Variants in CDH8 observed in about 807,000 individuals in gnomAD.
CDH8 encodes the protein cadherin-8.
Under a neutral mutation model 68.1 loss-of-function variants are expected in CDH8, and 17 were observed. That is an observed-to-expected ratio of 0.25 (90% CI 0.17 to 0.37). The LOEUF is 0.37. Among genes scored for constraint, CDH8 ranks in the 10% least tolerant of loss-of-function variants. The probability of loss-of-function intolerance (pLI) is 1.00; values close to 1 mark genes in which losing one functional copy is unlikely to be tolerated. For synonymous variants in CDH8, 372 were observed against 365.1 expected, an observed-to-expected ratio of 1.02 and a Z score of -0.21; for missense variants, 763 against 999.3, an observed-to-expected ratio of 0.76 and a Z score of 3.19.
At chr16:61,924,688 T>C (rs1964429928) in intron 2 of CDH8, among the ~76,000 whole-genome samples, 1 of 152,176 alleles carries the variant, frequency 6.6e-6, no homozygotes, top group African/African-American at 2.4e-5. Context: ...TGTTTTTTTT[T>C]TTAAAAGAAA....
intron 2 of CDH8, among the ~76,000 whole-genome samples, chr16:62,020,267 A>G (rs1385459108): frequency 6.6e-6 from 1 of 152,226 alleles, no homozygotes; most frequent in Non-Finnish European, 1.5e-5. Flanking sequence ...AAAGCTTATC[A>G]AGAAAATCAG....
intron 10 of CDH8, among the ~76,000 whole-genome samples, chr16:61,706,302 G>T (rs1964529614): frequency 6.6e-6 from 1 of 152,148 alleles, no homozygotes; most frequent in Non-Finnish European, 1.5e-5. Context: ...ATTTCAAAGG[G>T]GAAGCGAGAG....
In CDH8 at chr16:61,974,804, C is replaced by T. The variant is rs143931685; in HGVS notation, c.252+46348G>A. On this transcript the variant is annotated intron_variant, in intron 2 of 11. Coordinates refer to ENST00000577390, the MANE Select transcript of CDH8 (RefSeq NM_001796.5). ...GAGATTGGAGTGAGAGCTCTCAATC[C>T]CAATTCCATCTACTTGGGCAGATGG... 1.3e-4 allele frequency among the ~76,000 whole-genome samples: 20 copies of T among 152,160 alleles called. No homozygotes were observed. The East Asian group carries it at 3.9e-3, about 29-fold the overall frequency.
rs148401307 is a variant in CDH8 at position 61,844,790 on chromosome 16, G to A, written c.667+12329C>T. Among the ~76,000 whole-genome samples the A allele has an allele frequency of 2.1e-3, 317 of 152,204 alleles. 1 individual carries two copies. The highest frequency in any genetic ancestry group is 3.6e-3 in the Non-Finnish European group (248 of 68,010). On this transcript the variant is annotated intron_variant, in intron 4 of 11. Coordinates refer to ENST00000577390, the MANE Select transcript of CDH8 (RefSeq NM_001796.5). The stretch of plus-strand genomic sequence containing the variant: ...TTACAGGATAACTAAGGAAAGTTAC[G>A]TATAGTGAGAAAAAACACGACCTGT...
intron 8 of CDH8, among the ~76,000 whole-genome samples, chr16:61,775,275 A>G (rs559509303): frequency 6.6e-6 from 1 of 152,086 alleles, no homozygotes; most frequent in African/African-American, 2.4e-5. Context: ...ATTATGTCCA[A>G]TCCTTTCGCC....
intron 3 of CDH8, among the ~76,000 whole-genome samples, chr16:61,888,814 T>G (rs1963723787): frequency 6.6e-6 from 1 of 152,188 alleles, no homozygotes; most frequent in Non-Finnish European, 1.5e-5. Context: ...TTAACTTTAC[T>G]TTGTGAACGT....
At chr16:62,003,934 C>T (rs945758435) in intron 2 of CDH8, among the ~76,000 whole-genome samples, 2 of 152,052 alleles carry the variant, frequency 1.3e-5, no homozygotes, top group African/African-American at 4.8e-5. Flanking sequence ...AAATGTATTC[C>T]TTCCTCAGAC....
intron 8 of CDH8, among the ~76,000 whole-genome samples, chr16:61,751,577 G>A (rs1392562422): frequency 6.6e-6 from 1 of 151,964 alleles, no homozygotes; most frequent in Non-Finnish European, 1.5e-5. Context: ...CATTAACATG[G>A]TGAATTAAAA....
intron 2 of CDH8, among the ~76,000 whole-genome samples, chr16:62,020,729 T>A (rs1041945093): frequency 1.3e-5 from 2 of 152,284 alleles, no homozygotes; most frequent in Non-Finnish European, 2.9e-5. Context: ...ATTAGATATA[T>A]CTGCATAGCC....
At chr16:61,722,429 T>C (rs915395230) in intron 9 of CDH8, among the ~76,000 whole-genome samples, 5 of 150,914 alleles carry the variant, frequency 3.3e-5, no homozygotes, top group African/African-American at 1.2e-4. Context: ...CATTCTATTC[T>C]TCTCATAAAA....
chr16:61,730,721 G>T, intron 8 of CDH8, among the ~76,000 whole-genome samples: 1 of 151,482 alleles, frequency 6.6e-6, no homozygotes, highest in East Asian at 1.9e-4. Flanking sequence ...CTTTAGAAAA[G>T]TTAAGCAAAA....
chr16:61,694,068 G>A lies in CDH8; in HGVS notation c.1654+19773C>T, dbSNP rs113664799. Among the ~76,000 whole-genome samples the A allele has an allele frequency of 5.2e-4, 79 of 152,204 alleles. 1 individual carries two copies. Among genetic ancestry groups the A allele is most frequent in the African/African-American group, 1.5e-3 (62 of 41,532 alleles). On this transcript the variant is annotated intron_variant, in intron 10 of 11. Coordinates refer to ENST00000577390, the MANE Select transcript of CDH8 (RefSeq NM_001796.5). ...CACTAGGACTTTAAATCATGGGCAC[G>A]TACACACAGAATTAGAAAGTGGCAG...
At chr16:61,777,157 G>A (rs1301401874) in intron 8 of CDH8, among the ~76,000 whole-genome samples, 1 of 152,028 alleles carries the variant, frequency 6.6e-6, no homozygotes, top group Non-Finnish European at 1.5e-5. Flanking sequence ...TCTCCTCCCA[G>A]TCCTAATGAC....
intron 2 of CDH8, among the ~76,000 whole-genome samples, chr16:61,950,500 T>C (rs904483713): frequency 4.6e-5 from 7 of 152,220 alleles, no homozygotes; most frequent in Admixed American, 3.9e-4. Context: ...ATCCCACTTA[T>C]GACTTCTGCT....
intron 7 of CDH8, among the ~76,000 whole-genome samples, chr16:61,790,186 T>C (rs1416831115): frequency 6.6e-6 from 1 of 152,046 alleles, no homozygotes; most frequent in Non-Finnish European, 1.5e-5. Context: ...ATATTAGTAG[T>C]TCTTTTATCA....
chr16:61,923,349 A>C (rs1964404062), intron 2 of CDH8, among the ~76,000 whole-genome samples: 1 of 152,146 alleles, frequency 6.6e-6, no homozygotes, highest in East Asian at 1.9e-4. Flanking sequence ...AACTAAAATT[A>C]ATTGATAATG....
chr16:61,949,794 C>T (rs962658284), intron 2 of CDH8, among the ~76,000 whole-genome samples: 29 of 151,936 alleles, frequency 1.9e-4, no homozygotes, highest in African/African-American at 6.5e-4. Flanking sequence ...CCAACCTGGG[C>T]AACATGGCAA....
chr16:61,780,392 G>T (rs1040654253), intron 8 of CDH8, among the ~76,000 whole-genome samples: 1 of 152,212 alleles, frequency 6.6e-6, no homozygotes, highest in African/African-American at 2.4e-5. Flanking sequence ...ACACAGTGAA[G>T]CATCTCAGCC....
At chr16:61,990,455 G>T (rs1306491785) in intron 2 of CDH8, among the ~76,000 whole-genome samples, 1 of 151,586 alleles carries the variant, frequency 6.6e-6, no homozygotes, top group Non-Finnish European at 1.5e-5. Context: ...GCCTCCCAAA[G>T]TGCGTGTATT....
Sources: allele counts gnomAD v4.1 joint callset (sites outside exome capture counted in the v4.1 genomes callset), GRCh38; gene constraint gnomAD v4.1.1; transcripts MANE v1.5; gene names NCBI Gene and HGNC (gene_info 2026-07-23, HGNC 2026-07-21).